SLC4A1AP: variants seen among roughly 807,000 people sequenced by gnomAD.
SLC4A1AP encodes kanadaptin.
A neutral mutation model predicts 89.7 loss-of-function variants in SLC4A1AP; 64 were observed. The observed-to-expected ratio is 0.71, with a 90% CI of 0.58 to 0.88. The LOEUF is 0.88. Among genes scored for constraint, SLC4A1AP ranks in the 40% least tolerant of loss-of-function variants. The probability of loss-of-function intolerance (pLI) is 0.00; values close to 1 mark genes in which losing one functional copy is unlikely to be tolerated. For missense variants in SLC4A1AP, 931 were observed against 965.0 expected (o/e 0.96, Z 0.47); for synonymous variants, 366 against 353.3 (o/e 1.04, Z -0.40).
exon 1 of SLC4A1AP, chr2:27,664,106 CCCT>C (rs1558503719): frequency 1.2e-5 from 19 of 1,614,052 alleles, no homozygotes; most frequent in Middle Eastern, 1.6e-4. Flanking sequence ...AGCCCGACAT[CCCT>C]CCTCCTCAGC....
At chr2:27,685,610 G>A (rs1675692326) in intron 10 of SLC4A1AP, among the ~76,000 whole-genome samples, 1 of 152,104 alleles carries the variant, frequency 6.6e-6, no homozygotes, top group African/African-American at 2.4e-5. Flanking sequence ...TACATGATGG[G>A]GCCTGATCAG....
chr2:27,667,644 C>T (rs1675353313), intron 3 of SLC4A1AP, among the ~76,000 whole-genome samples: 1 of 152,020 alleles, frequency 6.6e-6, no homozygotes, highest in Non-Finnish European at 1.5e-5. Context: ...GTACTTTTTC[C>T]TGACTCATCT....
At chr2:27,687,712 T>C (rs936305875) in intron 10 of SLC4A1AP, among the ~76,000 whole-genome samples, 5 of 152,190 alleles carry the variant, frequency 3.3e-5, no homozygotes, top group African/African-American at 1.2e-4. Flanking sequence ...TGCTAAAAAG[T>C]TTTACCTCAA....
chr2:27,675,472 T>C, intron 5 of SLC4A1AP, 60 bp from the exon 6 acceptor site: 1 of 1,265,164 alleles, frequency 7.9e-7, no homozygotes, highest in Non-Finnish European at 1.1e-6. Flanking sequence ...CCTACTTGCC[T>C]TCTTTCTTTT....
chr2:27,681,099 C>G (rs546967421), intron 8 of SLC4A1AP, among the ~76,000 whole-genome samples: 13 of 152,324 alleles, frequency 8.5e-5, no homozygotes, highest in African/African-American at 3.1e-4. Context: ...TTAGCTTATC[C>G]TCTAGGCCAG....
exon 1 of SLC4A1AP, chr2:27,663,896 G>C: frequency 6.2e-7 from 1 of 1,614,128 alleles, no homozygotes. Context: ...AGCGGATTTC[G>C]AAGTTGCACC....
intron 9 of SLC4A1AP, among the ~76,000 whole-genome samples, chr2:27,684,309 C>T (rs1675669536): frequency 1.3e-5 from 2 of 151,636 alleles, no homozygotes; most frequent in South Asian, 4.2e-4. Context: ...GCACCTATAA[C>T]CCCAGCTACT....
At position 27,669,242 on chromosome 2, in the gene SLC4A1AP, A is replaced by G. The variant is rs999871990; in HGVS notation, c.1206-6A>G. ...CTGTGCTATAATTCCCACCAAATCA[A>G]TGAAGATTACCTGTGGACGATTCAA... On this transcript the variant is annotated splice_region_variant and splice_polypyrimidine_tract_variant and intron_variant, in intron 4 of 13. Coordinates refer to ENST00000613058, the Ensembl canonical transcript of SLC4A1AP. 3 of 1,600,680 alleles carry G rather than the reference A, an allele frequency of 1.9e-6. No individual in the cohort carries two copies. Among genetic ancestry groups the G allele is most frequent in the East Asian group, 2.2e-5 (1 of 44,732 alleles).
intron 8 of SLC4A1AP, among the ~76,000 whole-genome samples, chr2:27,679,142 A>C (rs748976665): frequency 3.9e-5 from 6 of 152,240 alleles, no homozygotes; most frequent in Non-Finnish European, 5.9e-5. Flanking sequence ...ATTCTCTACA[A>C]GACAAATTGG....
chr2:27,676,394 T>C (rs1347038299), intron 6 of SLC4A1AP, among the ~76,000 whole-genome samples: 1 of 152,248 alleles, frequency 6.6e-6, no homozygotes, highest in Non-Finnish European at 1.5e-5. Context: ...CCAACATCTA[T>C]CCTTTTGATT....
intron 9 of SLC4A1AP, among the ~76,000 whole-genome samples, chr2:27,683,930 A>T (rs1162921265): frequency 1.3e-5 from 2 of 151,860 alleles, no homozygotes; most frequent in Non-Finnish European, 2.9e-5. Context: ...TAGTAGAGAC[A>T]GTTTTTCACC....
chr2:27,676,816 C>T (rs1399515296), intron 6 of SLC4A1AP, among the ~76,000 whole-genome samples: 3 of 139,116 alleles, frequency 2.2e-5, no homozygotes, highest in Admixed American at 1.6e-4. Flanking sequence ...GGTGACAGTG[C>T]GAGACTCCAT....
chr2:27,666,981 C>T (rs1675340093), intron 2 of SLC4A1AP, among the ~76,000 whole-genome samples: 1 of 151,762 alleles, frequency 6.6e-6, no homozygotes, highest in African/African-American at 2.4e-5. Flanking sequence ...AATTCTCCTG[C>T]CTCAGCCTCC....
At chr2:27,665,911 A>ATG (rs1310473692) in intron 2 of SLC4A1AP, among the ~76,000 whole-genome samples, 6 of 152,222 alleles carry the variant, frequency 3.9e-5, no homozygotes, top group Non-Finnish European at 7.3e-5. Context: ...AAAAGCTAGA[A>ATG]ACCATAAGTA....
At chr2:27,688,216 C>T (rs1675735622) in intron 11 of SLC4A1AP, among the ~76,000 whole-genome samples, 196 bp downstream of exon 11, 2 of 152,188 alleles carry the variant, frequency 1.3e-5, no homozygotes, top group African/African-American at 4.8e-5. Flanking sequence ...TCTTTTACTC[C>T]TCTTCCACCT....
intron 9 of SLC4A1AP, among the ~76,000 whole-genome samples, chr2:27,683,693 A>G (rs1675657732): frequency 6.6e-6 from 1 of 152,166 alleles, no homozygotes; most frequent in Non-Finnish European, 1.5e-5. Context: ...GAATTAGGGT[A>G]TACTGCCCTC....
intron 1 of SLC4A1AP, 65 bp downstream of exon 1, chr2:27,664,642 C>A: frequency 2.4e-6 from 3 of 1,264,464 alleles, no homozygotes; most frequent in African/African-American, 1.5e-5. Flanking sequence ...GCTTCTTAAG[C>A]TTTGGATGAG....
intron 5 of SLC4A1AP, among the ~76,000 whole-genome samples, chr2:27,673,833 G>A (rs1675469755): frequency 6.6e-6 from 1 of 152,250 alleles, no homozygotes; most frequent in Middle Eastern, 3.4e-3. Context: ...ATTCAAACTA[G>A]CTTAGGGGAA....
chr2:27,681,379 C>G (rs868563786), intron 8 of SLC4A1AP, among the ~76,000 whole-genome samples: 55 of 152,232 alleles, frequency 3.6e-4, no homozygotes, highest in Admixed American at 2.5e-3. Flanking sequence ...GCAAGTGGGG[C>G]TTCAGGGAGG....
Sources: gnomAD v4.1 joint callset for allele counts (sites outside exome capture counted in the v4.1 genomes callset) on GRCh38, gnomAD v4.1.1 for gene constraint, MANE v1.5 for transcripts, NCBI Gene and HGNC (gene_info 2026-07-23, HGNC 2026-07-21) for gene names.